The following ACCSL variants were observed in gnomAD, a reference collection of about 807,000 sequenced individuals.
ACCSL encodes the protein probable inactive 1-aminocyclopropane-1-carboxylate synthase-like protein 2.
In ACCSL, 55 loss-of-function variants were observed where a neutral mutation model predicts 61.7. The ratio of observed to expected loss-of-function variants is 0.89; its 90% CI spans 0.72 to 1.12. ACCSL has a LOEUF of 1.12. Among genes scored for constraint, ACCSL ranks in the 50% most tolerant of loss-of-function variants. The pLI, the probability that ACCSL is intolerant of heterozygous loss-of-function variation, is 0.00. For synonymous variants in ACCSL, 258 were observed against 264.3 expected (o/e 0.98, Z 0.23); for missense variants, 632 against 698.0 (o/e 0.91, Z 1.07).
At chr11:43,986,849 A>T in the ACCSL span, among the ~76,000 whole-genome samples, 2 of 152,148 alleles carry the variant, frequency 1.3e-5, no homozygotes, top group Admixed American at 1.3e-4. Flanking sequence ...CAAATTCTAG[A>T]TTCAGTGTAT....
At chr11:44,038,205 A>T in the ACCSL span, among the ~76,000 whole-genome samples, 1 of 152,188 alleles carries the variant, frequency 6.6e-6, no homozygotes, top group Non-Finnish European at 1.5e-5. Context: ...TGGTCATAGC[A>T]GGACTCTGGG....
chr11:43,928,966 T>C, the ACCSL span, among the ~76,000 whole-genome samples: 1 of 152,222 alleles, frequency 6.6e-6, no homozygotes, highest in Non-Finnish European at 1.5e-5. Flanking sequence ...GAGGAAAGAC[T>C]GCCAGCAACC....
At chr11:43,952,023 A>G in the ACCSL span, among the ~76,000 whole-genome samples, 2 of 151,646 alleles carry the variant, frequency 1.3e-5, no homozygotes, top group Middle Eastern at 3.2e-3. Flanking sequence ...AAAAAAGTAC[A>G]TTGTAGATTG....
At chr11:44,009,927 G>A in the ACCSL span, among the ~76,000 whole-genome samples, 4 of 152,172 alleles carry the variant, frequency 2.6e-5, no homozygotes, top group Non-Finnish European at 5.9e-5. Flanking sequence ...TTCTCCTGGG[G>A]ATAAAGTCTT....
the ACCSL span, among the ~76,000 whole-genome samples, chr11:43,940,347 T>G: frequency 6.6e-6 from 1 of 151,392 alleles, no homozygotes; most frequent in East Asian, 2.0e-4. Flanking sequence ...GCCCTTAGAA[T>G]GAAATTATAT....
the ACCSL span, among the ~76,000 whole-genome samples, chr11:43,974,686 T>C: frequency 6.6e-6 from 1 of 152,162 alleles, no homozygotes; most frequent in South Asian, 2.1e-4. Context: ...TTGATATGTG[T>C]TACCAGTAGA....
At chr11:44,018,210 G>T in the ACCSL span, among the ~76,000 whole-genome samples, 4 of 152,158 alleles carry the variant, frequency 2.6e-5, no homozygotes, top group Non-Finnish European at 4.4e-5. Flanking sequence ...GGAGACCAAA[G>T]ATGCAGATAT....
At chr11:44,051,570 G>A in intron 4 of ACCSL, 83 bp from the exon 5 acceptor site, 1 of 1,583,944 alleles carries the variant, frequency 6.3e-7, no homozygotes, top group Non-Finnish European at 8.7e-7. Context: ...TGCCTGTTCT[G>A]CCCAGGGGGA....
the ACCSL span, among the ~76,000 whole-genome samples, chr11:43,985,196 G>A: frequency 2.0e-5 from 3 of 152,150 alleles, no homozygotes; most frequent in Non-Finnish European, 4.4e-5. Flanking sequence ...CGCTGCCTCC[G>A]CCCCCCTCCC....
At chr11:44,019,411 G>A in the ACCSL span, among the ~76,000 whole-genome samples, 1 of 152,136 alleles carries the variant, frequency 6.6e-6, no homozygotes, top group African/African-American at 2.4e-5. Flanking sequence ...TGAAGGTTCT[G>A]ATTTTTCCAC....
the ACCSL span, among the ~76,000 whole-genome samples, chr11:43,968,395 A>C: frequency 2.0e-5 from 3 of 146,588 alleles, no homozygotes; most frequent in Non-Finnish European, 4.5e-5. Flanking sequence ...ATCTCTGTGC[A>C]CTTCACCTTC....
chr11:43,954,789 T>C, the ACCSL span, among the ~76,000 whole-genome samples: 1 of 152,098 alleles, frequency 6.6e-6, no homozygotes, highest in Non-Finnish European at 1.5e-5. Flanking sequence ...TTCTCCACGT[T>C]GGTCAGGCTG....
chr11:44,026,382 A>T, the ACCSL span, among the ~76,000 whole-genome samples: 1 of 152,212 alleles, frequency 6.6e-6, no homozygotes, highest in East Asian at 1.9e-4. Context: ...TCCTTAAAAA[A>T]AAGGTCTACC....
the ACCSL span, among the ~76,000 whole-genome samples, chr11:43,991,943 C>T: frequency 1.3e-5 from 2 of 152,112 alleles, no homozygotes; most frequent in African/African-American, 2.4e-5. Flanking sequence ...ACACACAGTT[C>T]TCCTATCTGG....
chr11:43,942,539 G>A, the ACCSL span: 1 of 260,080 alleles, frequency 3.8e-6, no homozygotes, highest in Non-Finnish European at 7.7e-6. Context: ...GAAGGGCGCG[G>A]GGCGCGCACG....
chr11:44,045,905 G>A (rs1045382003), upstream of ACCSL, among the ~76,000 whole-genome samples: 1 of 152,204 alleles, frequency 6.6e-6, no homozygotes, highest in African/African-American at 2.4e-5. Flanking sequence ...CCTGGGAAAA[G>A]GAAGAAGATG....
the ACCSL span, among the ~76,000 whole-genome samples, chr11:43,961,073 G>A: frequency 6.6e-6 from 1 of 152,108 alleles, no homozygotes; most frequent in Admixed American, 6.5e-5. Context: ...CTCCCGCCTC[G>A]GCCTTCCAAA....
chr11:44,022,364 T>G, the ACCSL span, among the ~76,000 whole-genome samples: 656 of 152,294 alleles, frequency 4.3e-3, 2 homozygotes, highest in African/African-American at 0.015. Flanking sequence ...ATGTATTTTA[T>G]TTTTTTGCAG....
chr11:44,014,044 G>A, the ACCSL span, among the ~76,000 whole-genome samples: 1 of 152,254 alleles, frequency 6.6e-6, no homozygotes, highest in Non-Finnish European at 1.5e-5. Context: ...TCCTGAAGGG[G>A]AAACAGCAGA....
Sources: allele counts gnomAD v4.1 joint callset (sites outside exome capture counted in the v4.1 genomes callset), GRCh38; gene constraint gnomAD v4.1.1; transcripts MANE v1.5; gene names NCBI Gene and HGNC (gene_info 2026-07-23, HGNC 2026-07-21).